TSPAN9: variants seen among roughly 807,000 people sequenced by gnomAD.
TSPAN9 encodes tetraspanin-9.
Under a neutral mutation model 31.0 loss-of-function variants are expected in TSPAN9, and 16 were observed. The ratio of observed to expected loss-of-function variants is 0.52; its 90% CI spans 0.35 to 0.78. TSPAN9 has a LOEUF of 0.78. TSPAN9 is among the 30% of genes least tolerant of loss of function. TSPAN9 has a pLI of 0.01. For synonymous variants in TSPAN9, 145 were observed against 121.6 expected (o/e 1.19, Z -1.27); for missense variants, 272 against 312.5 (o/e 0.87, Z 0.98).
At chr12:3,239,761 A>G (rs1354205700) in intron 3 of TSPAN9, among the ~76,000 whole-genome samples, 1 of 152,128 alleles carries the variant, frequency 6.6e-6, no homozygotes, top group Non-Finnish European at 1.5e-5. Flanking sequence ...TGGGAGGGTC[A>G]TTGGAGCTTC....
At chr12:3,135,494 C>G (rs2098331687) in intron 2 of TSPAN9, among the ~76,000 whole-genome samples, 1 of 152,318 alleles carries the variant, frequency 6.6e-6, no homozygotes, top group Non-Finnish European at 1.5e-5. Context: ...CACGTTTTCT[C>G]CTTCTTACAC....
chr12:3,145,830 C>T (rs1047564605), intron 2 of TSPAN9, among the ~76,000 whole-genome samples: 3 of 152,224 alleles, frequency 2.0e-5, no homozygotes, highest in East Asian at 1.9e-4. Context: ...AAAGGCCTGG[C>T]GTGGTGGCCA....
intron 2 of TSPAN9, among the ~76,000 whole-genome samples, chr12:3,132,830 C>T (rs562236068): frequency 6.6e-6 from 1 of 152,262 alleles, no homozygotes; most frequent in South Asian, 2.1e-4. Context: ...GGCTCTCAGC[C>T]TCATCGTCCC....
intron 1 of TSPAN9, among the ~76,000 whole-genome samples, chr12:3,079,310 G>T (rs1188320433): frequency 6.6e-6 from 1 of 152,022 alleles, no homozygotes; most frequent in Non-Finnish European, 1.5e-5. Flanking sequence ...CTTCTTATAG[G>T]TTAAGAAAAT....
chr12:3,188,570 G>T (rs2098362734), intron 2 of TSPAN9, among the ~76,000 whole-genome samples: 1 of 152,180 alleles, frequency 6.6e-6, no homozygotes, highest in South Asian at 2.1e-4. Context: ...CAGCAGTGTG[G>T]GGGAGGGGAA....
chr12:3,113,590 A>G (rs10848803), intron 2 of TSPAN9, among the ~76,000 whole-genome samples: 49,963 of 152,070 alleles, frequency 0.33, 8,396 homozygotes, highest in Middle Eastern at 0.45. Flanking sequence ...ATCTTCTATC[A>G]TCTTAGGCTG....
chr12:3,137,386 G>A (rs988258291), intron 2 of TSPAN9, among the ~76,000 whole-genome samples: 1 of 152,186 alleles, frequency 6.6e-6, no homozygotes, highest in Non-Finnish European at 1.5e-5. Flanking sequence ...CCAGGCCACT[G>A]TCCTGACTCC....
At chr12:3,105,061 G>A (rs898222265) in intron 2 of TSPAN9, among the ~76,000 whole-genome samples, 4 of 152,202 alleles carry the variant, frequency 2.6e-5, no homozygotes, top group African/African-American at 9.6e-5. Context: ...AAAGCAAATT[G>A]TTTCCAGATG....
Position 3,281,594 on chromosome 12 carries a change from G to C in TSPAN9, c.565-140G>C, listed in dbSNP as rs1443717112. ...CGGGTGGGGCGGAGGCTGCGCCAAGGGATGGGGACAGGGCTGAGGCCAGGG... is the reference window on the plus strand; with the variant it reads ...CGGGTGGGGCGGAGGCTGCGCCAAGCGATGGGGACAGGGCTGAGGCCAGGG... On this transcript the variant is annotated intron_variant, in intron 7 of 8. Transcript: ENST00000011898. The C allele has an allele frequency of 4.4e-6, 5 of 1,132,660 alleles. No individual in the cohort carries two copies. The East Asian group carries it at 1.3e-4, about 29-fold the overall frequency. The allele number at this position is 1,132,660 out of a possible 1,614,324, so 70.2% of individuals were successfully genotyped here.
chr12:3,162,970 C>T (rs1031278413), intron 2 of TSPAN9, among the ~76,000 whole-genome samples: 3 of 152,214 alleles, frequency 2.0e-5, no homozygotes, highest in African/African-American at 7.2e-5. Context: ...CTGTGGACAG[C>T]ATGGGAAGGG....
chr12:3,262,710 C>T (rs147720555), intron 3 of TSPAN9, among the ~76,000 whole-genome samples: 11 of 151,564 alleles, frequency 7.3e-5, no homozygotes, highest in Admixed American at 1.3e-4. Flanking sequence ...TCAGAGGCCG[C>T]GCACAGCTCC....
chr12:3,280,274 T>G lies in TSPAN9; in HGVS notation c.331-108T>G. On this transcript the variant is annotated intron_variant, in intron 5 of 8. Coordinates refer to ENST00000011898, the MANE Select transcript of TSPAN9 (RefSeq NM_006675.5). This position sits in a 1 kb window ranked among gnomAD's most constrained non-coding sequence, Gnocchi z 4.5. ...TTCCAGACCAGCTGCCTTCCCTGCC[T>G]TCCTCACTCCTCATCTGTCACCCAC... 3 of 999,684 alleles carry G rather than the reference T, an allele frequency of 3.0e-6. No homozygotes were observed. In the South Asian group the frequency reaches 4.3e-5, roughly 14 times the overall value. The allele number at this position is 999,684 out of a possible 1,614,324, so 61.9% of individuals were successfully genotyped here. A position where few individuals can be genotyped will look rare whatever the true frequency, so the allele number is the denominator to read the frequency against.
chr12:3,164,203 TTTTGC>T (rs755497469), intron 2 of TSPAN9, among the ~76,000 whole-genome samples: 1 of 152,190 alleles, frequency 6.6e-6, no homozygotes, highest in Non-Finnish European at 1.5e-5. Flanking sequence ...TCGTATGAGT[TTTTGC>T]TTTCTATTAT....
At position 3,147,029 on chromosome 12, in the gene TSPAN9, G is replaced by A. The variant is rs964092609; in HGVS notation, c.-17-54148G>A. 2.8e-4 allele frequency among the ~76,000 whole-genome samples: 43 copies of A among 152,184 alleles called. No individual in the cohort carries two copies. The highest frequency in any genetic ancestry group is 9.7e-4 in the African/African-American group (40 of 41,438). Reference sequence around the variant, plus strand: ...TAGTATTTTGGACATCAAATGGGTAGATGTAAGTGAAAGTTCATTGTTGGT... The same window carrying A: ...TAGTATTTTGGACATCAAATGGGTAAATGTAAGTGAAAGTTCATTGTTGGT... On this transcript the variant is annotated intron_variant, in intron 2 of 8. Coordinates refer to ENST00000011898, the MANE Select transcript of TSPAN9 (RefSeq NM_006675.5). The surrounding 1 kb of genome is among the most constrained non-coding windows in gnomAD (Gnocchi z 4.3).
chr12:3,219,724 G>A (rs1011563808), intron 3 of TSPAN9, among the ~76,000 whole-genome samples: 1 of 152,072 alleles, frequency 6.6e-6, no homozygotes, highest in Non-Finnish European at 1.5e-5. Flanking sequence ...TGAGGAGCTA[G>A]GGGAGGGATA....
intron 2 of TSPAN9, among the ~76,000 whole-genome samples, chr12:3,124,078 A>G (rs1051758564): frequency 6.6e-6 from 1 of 152,210 alleles, no homozygotes; most frequent in African/African-American, 2.4e-5. Flanking sequence ...GCACATTTTC[A>G]GCTGGTATAT....
intron 2 of TSPAN9, among the ~76,000 whole-genome samples, chr12:3,138,466 TTTTTTTC>T (rs1163108478): frequency 8.1e-6 from 1 of 123,594 alleles, no homozygotes; most frequent in Non-Finnish European, 1.9e-5. Flanking sequence ...CTCCCGTTTC[TTTTTTTC>T]TTTTTTTTGA....
rs2098351465 is a variant in TSPAN9, at chr12:3,170,980, T to C, written c.-17-30197T>C. ...CACACTCGTTGCCTCCCCACTCCTGTGTTCCTTTGTAGATCAACCAGGATT... is the reference window on the plus strand; with the variant it reads ...CACACTCGTTGCCTCCCCACTCCTGCGTTCCTTTGTAGATCAACCAGGATT... On this transcript the variant is annotated intron_variant, in intron 2 of 8. Transcript: ENST00000011898. This position sits in a 1 kb window ranked among gnomAD's most constrained non-coding sequence, Gnocchi z 4.4. Among the ~76,000 whole-genome samples the C allele has an allele frequency of 6.6e-6, 1 of 152,210 alleles. No individual in the cohort carries two copies. The highest frequency in any genetic ancestry group is 2.4e-5 in the African/African-American group (1 of 41,454).
At chr12:3,238,057 C>A (rs2098394706) in intron 3 of TSPAN9, among the ~76,000 whole-genome samples, 1 of 152,166 alleles carries the variant, frequency 6.6e-6, no homozygotes. Context: ...CCTCCTCTTC[C>A]CTCCCCAGTC....
Sources: allele counts gnomAD v4.1 joint callset (sites outside exome capture counted in the v4.1 genomes callset), GRCh38; gene constraint gnomAD v4.1.1; non-coding constraint Gnocchi (gnomAD v3.1); transcripts MANE v1.5; gene names NCBI Gene and HGNC (gene_info 2026-07-23, HGNC 2026-07-21).